KCNIP4: variants seen among roughly 807,000 people sequenced by gnomAD.
The protein encoded by KCNIP4 is potassium voltage-gated channel interacting protein 4.
In KCNIP4, 12 loss-of-function variants were observed where a neutral mutation model predicts 34.0. That is an observed-to-expected ratio of 0.35 (90% CI 0.23 to 0.57). The LOEUF (loss-of-function observed/expected upper bound fraction) is 0.57, where lower values mean the gene tolerates loss of function less well. Among genes scored for constraint, KCNIP4 ranks in the 20% least tolerant of loss-of-function variants. KCNIP4 has a pLI of 0.83. For missense variants in KCNIP4, 238 were observed against 311.7 expected, an observed-to-expected ratio of 0.76 and a Z score of 1.78; for synonymous variants, 124 against 102.2, an observed-to-expected ratio of 1.21 and a Z score of -1.29.
At chr4:21,597,204 C>T (rs1308328994) in intron 1 of KCNIP4, among the ~76,000 whole-genome samples, 2 of 151,984 alleles carry the variant, frequency 1.3e-5, no homozygotes, top group Admixed American at 1.3e-4. Flanking sequence ...TTCCCCCATA[C>T]TGTTTTTGTG....
At chr4:21,068,586 C>T (rs1744618125) in intron 1 of KCNIP4, among the ~76,000 whole-genome samples, 1 of 152,104 alleles carries the variant, frequency 6.6e-6, no homozygotes, top group South Asian at 2.1e-4. Context: ...GTGTGGAATA[C>T]TTTCTCTCTC....
At chr4:21,099,249 A>C (rs1747725855) in intron 1 of KCNIP4, among the ~76,000 whole-genome samples, 1 of 152,250 alleles carries the variant, frequency 6.6e-6, no homozygotes, top group Non-Finnish European at 1.5e-5. Context: ...CTGAATAAAG[A>C]AAATGTGGTA....
intron 1 of KCNIP4, among the ~76,000 whole-genome samples, chr4:21,572,815 TG>T (rs1210066302): frequency 6.6e-6 from 1 of 152,016 alleles, no homozygotes; most frequent in African/African-American, 2.4e-5. Flanking sequence ...TTAGTGAAGA[TG>T]GGGTTTCTCC....
chr4:21,143,217 C>T (rs10032775), intron 1 of KCNIP4, among the ~76,000 whole-genome samples: 40,181 of 151,998 alleles, frequency 0.26, 5,967 homozygotes, highest in African/African-American at 0.39. Context: ...TAAAACCAGC[C>T]CTTAAAAGTG....
chr4:21,360,242 T>A (rs1255751794), intron 1 of KCNIP4, among the ~76,000 whole-genome samples: 1 of 152,102 alleles, frequency 6.6e-6, no homozygotes, highest in East Asian at 1.9e-4. Flanking sequence ...CTATCCTTAT[T>A]TGAACAACAA....
At chr4:21,015,518 TATATATA>T (rs1057115430) in intron 1 of KCNIP4, among the ~76,000 whole-genome samples, 1 of 122,182 alleles carries the variant, frequency 8.2e-6, no homozygotes, top group African/African-American at 3.1e-5. Flanking sequence ...CAGATGCAGC[TATATATA>T]ATATATAATA....
At chr4:21,054,186 C>G (rs1240543098) in intron 1 of KCNIP4, among the ~76,000 whole-genome samples, 1 of 152,038 alleles carries the variant, frequency 6.6e-6, no homozygotes, top group African/African-American at 2.4e-5. Flanking sequence ...AGTTAGAGAA[C>G]TGGCACCACT....
At chr4:21,707,729 T>C (rs779286712) in intron 1 of KCNIP4, among the ~76,000 whole-genome samples, 2 of 152,026 alleles carry the variant, frequency 1.3e-5, no homozygotes, top group Non-Finnish European at 2.9e-5. Flanking sequence ...AATGGAGACA[T>C]GACTGGCATC....
chr4:20,786,454 T>A (rs2149398738), intron 3 of KCNIP4, among the ~76,000 whole-genome samples: 1 of 152,234 alleles, frequency 6.6e-6, no homozygotes, highest in Non-Finnish European at 1.5e-5. Flanking sequence ...AAAATAAAAA[T>A]AAAAGCCAAA....
At chr4:20,996,537 T>C (rs1737573689) in intron 1 of KCNIP4, among the ~76,000 whole-genome samples, 1 of 152,172 alleles carries the variant, frequency 6.6e-6, no homozygotes, top group South Asian at 2.1e-4. Context: ...CCCCATGTGA[T>C]GTTCTTTACC....
chr4:21,088,430 C>T (rs544034592), intron 1 of KCNIP4, among the ~76,000 whole-genome samples: 1 of 152,192 alleles, frequency 6.6e-6, no homozygotes, highest in Non-Finnish European at 1.5e-5. Context: ...TACGTTCATT[C>T]TTGCCCTTCA....
chr4:21,519,459 T>TGTGTGTATATGTATGTGTATATATACAC (rs1735137171), intron 1 of KCNIP4, among the ~76,000 whole-genome samples: 1 of 65,160 alleles, frequency 1.5e-5, no homozygotes, highest in African/African-American at 5.1e-5. Context: ...TATATACACA[T>TGTGTGTATATGTATGTGTATATATACAC]ATGTGTGTAT....
chr4:21,341,841 T>C (rs999025492), intron 1 of KCNIP4, among the ~76,000 whole-genome samples: 2 of 152,158 alleles, frequency 1.3e-5, no homozygotes, highest in Non-Finnish European at 2.9e-5. Context: ...TCAATCTTCT[T>C]TATCATTAAT....
At chr4:21,818,030 A>G (rs925753572) in intron 1 of KCNIP4, among the ~76,000 whole-genome samples, 5 of 152,030 alleles carry the variant, frequency 3.3e-5, no homozygotes, top group African/African-American at 1.2e-4. Flanking sequence ...TGATCTTTGT[A>G]CCTACTCCCT....
chr4:21,087,962 T>G (rs911845940), intron 1 of KCNIP4, among the ~76,000 whole-genome samples: 1 of 152,204 alleles, frequency 6.6e-6, no homozygotes, highest in African/African-American at 2.4e-5. Flanking sequence ...CGCTACTTAT[T>G]TTTTTCCAAT....
At chr4:21,057,334 A>G (rs1340698093) in intron 1 of KCNIP4, among the ~76,000 whole-genome samples, 2 of 152,126 alleles carry the variant, frequency 1.3e-5, no homozygotes, top group Non-Finnish European at 2.9e-5. Context: ...CATAAAGTAG[A>G]TTTTCTATCC....
At chr4:21,599,376 T>A (rs1182446820) in intron 1 of KCNIP4, among the ~76,000 whole-genome samples, 1 of 152,044 alleles carries the variant, frequency 6.6e-6, no homozygotes, top group Non-Finnish European at 1.5e-5. Flanking sequence ...TTTATAGTAC[T>A]ATAATTTCAG....
chr4:20,950,956 A>G (rs1732726491), intron 1 of KCNIP4, among the ~76,000 whole-genome samples: 1 of 152,156 alleles, frequency 6.6e-6, no homozygotes, highest in Non-Finnish European at 1.5e-5. Flanking sequence ...TTCCCCCAAA[A>G]TTCATATATT....
At chr4:20,905,563 G>T (rs1727667979) in intron 1 of KCNIP4, among the ~76,000 whole-genome samples, 1 of 126,320 alleles carries the variant, frequency 7.9e-6, no homozygotes, top group Non-Finnish European at 1.6e-5. Flanking sequence ...CCAGGTTGGA[G>T]TGCACTGGTG....
Sources: allele counts gnomAD v4.1 joint callset (sites outside exome capture counted in the v4.1 genomes callset), GRCh38; gene constraint gnomAD v4.1.1; transcripts MANE v1.5; gene names NCBI Gene and HGNC (gene_info 2026-07-23, HGNC 2026-07-21).